Variants in TNFRSF10C observed in about 807,000 individuals in gnomAD.
TNFRSF10C encodes TNF receptor superfamily member 10c.
A neutral mutation model predicts 16.7 loss-of-function variants in TNFRSF10C; 17 were observed. The ratio of observed to expected loss-of-function variants is 1.02; its 90% CI spans 0.70 to 1.53. The LOEUF is 1.53. Among genes scored for constraint, TNFRSF10C ranks in the 40% most tolerant of loss-of-function variants. The pLI is 0.00. For missense variants in TNFRSF10C, 237 were observed against 329.7 expected (o/e 0.72, Z 2.18); for synonymous variants, 73 against 119.7 (o/e 0.61, Z 2.55).
At position 23,117,178 on chromosome 8, in the gene TNFRSF10C, G is replaced by T; in HGVS notation, c.*147G>T. 8.1e-7 allele frequency: 1 copy of T among 1,233,836 alleles called. No individual in the cohort carries two copies. The highest frequency in any genetic ancestry group is 1.1e-6 in the Non-Finnish European group (1 of 893,700). The allele number at this position is 1,233,836 out of a possible 1,614,324, so 76.4% of individuals were successfully genotyped here. A position where few individuals can be genotyped will look rare whatever the true frequency, so the allele number is the denominator to read the frequency against. ...AACGCCTGCCCCTGCCCCAAGTCCT[G>T]GTGTCTCCAGCCTGGCTCTATCTTC... is the stretch of plus-strand genomic sequence containing the variant. On this transcript the variant is annotated 3_prime_UTR_variant, in exon 5 of 5. Transcript: ENST00000356864.
intron 2 of TNFRSF10C, among the ~76,000 whole-genome samples, chr8:23,113,397 C>G (rs1177482697): frequency 6.6e-6 from 1 of 152,100 alleles, no homozygotes; most frequent in African/African-American, 2.4e-5. Context: ...AAAATTTTCC[C>G]CTATGTATTC....
chr8:23,111,332 T>A (rs1813874162), intron 1 of TNFRSF10C, among the ~76,000 whole-genome samples: 1 of 152,092 alleles, frequency 6.6e-6, no homozygotes, highest in Admixed American at 6.5e-5. Context: ...TTCTCCTGCC[T>A]CAGCCTCCTG....
At chr8:23,115,443 T>C in intron 3 of TNFRSF10C, 65 bp from the exon 4 acceptor site, 1 of 1,389,610 alleles carries the variant, frequency 7.2e-7, no homozygotes, top group Non-Finnish European at 1.0e-6. Flanking sequence ...AGGGGGTGGG[T>C]GGTAAGGAAG....
chr8:23,111,143 C>T (rs1813870404), intron 1 of TNFRSF10C, among the ~76,000 whole-genome samples: 1 of 152,078 alleles, frequency 6.6e-6, no homozygotes, highest in African/African-American at 2.4e-5. Flanking sequence ...CTTCTTGCTC[C>T]CATTATCTGG....
intron 1 of TNFRSF10C, among the ~76,000 whole-genome samples, chr8:23,106,916 A>G (rs4871848): frequency 0.17 from 25,931 of 150,360 alleles, 3,274 homozygotes; most frequent in African/African-American, 0.34. Context: ...GAACCTGGGA[A>G]GCAGAGCTTT....
chr8:23,111,773 A>C lies in TNFRSF10C; in HGVS notation c.114A>C (p.Thr38=). ...TARQEEVPQQ[T]VAPQQQRHSF... ...GGCAGGAGGAAGTTCCCCAGCAGAC[A>C]GTGGCCCCACAGCAACAGAGGCACA... The change falls in exon 2 of 5, where the codon ACA becomes ACC. Residue 38 remains threonine (T), a synonymous_variant. Transcript: ENST00000356864. 1 of 1,614,170 alleles carries C rather than the reference A, an allele frequency of 6.2e-7. No individual in the cohort carries two copies. The highest frequency in any genetic ancestry group is 1.1e-5 in the South Asian group (1 of 91,086).
intron 1 of TNFRSF10C, among the ~76,000 whole-genome samples, chr8:23,110,802 G>T (rs530184217): frequency 1.4e-4 from 21 of 152,290 alleles, no homozygotes; most frequent in African/African-American, 4.6e-4. Context: ...GTATGTTTAA[G>T]TGTGTGTCTG....
Position 23,116,691 on chromosome 8 carries a change from T to C in TNFRSF10C, c.440T>C (p.Ile147Thr), listed in dbSNP as rs760291565. ...QVSNCTSWDDIQCVEEFGANA... is the reference protein window; with the variant it reads ...QVSNCTSWDDTQCVEEFGANA... ...AGTAATTGTACGTCCTGGGATGATA[T>C]CCAGTGTGTTGAAGAATTTGGTGCC... is the stretch of plus-strand genomic sequence containing the variant. The change falls in exon 5 of 5, where the codon ATC becomes ACC. Residue 147 changes from isoleucine to threonine, a missense_variant. By Grantham distance (89) the Ile-to-Thr change is moderately conservative. Coordinates refer to ENST00000356864, the MANE Select transcript of TNFRSF10C (RefSeq NM_003841.5). 1 of 1,614,090 alleles carries C rather than the reference T, an allele frequency of 6.2e-7. No homozygotes were observed. Among genetic ancestry groups the C allele is most frequent in the East Asian group, 2.2e-5 (1 of 44,872 alleles).
intron 1 of TNFRSF10C, among the ~76,000 whole-genome samples, chr8:23,109,577 C>T (rs970158764): frequency 1.8e-4 from 27 of 151,104 alleles, no homozygotes; most frequent in African/African-American, 6.1e-4. Flanking sequence ...GTGGAGCTTG[C>T]AGTGAGCCGA....
At chr8:23,103,619 T>C (rs944692272) in intron 1 of TNFRSF10C, 4 of 197,726 alleles carry the variant, frequency 2.0e-5, no homozygotes, top group African/African-American at 9.5e-5. Flanking sequence ...GCGCTGTCTT[T>C]AGCAACTTTC....
At chr8:23,115,456 C>G in intron 3 of TNFRSF10C, 52 bp from the exon 4 acceptor site, 3 of 1,507,898 alleles carry the variant, frequency 2.0e-6, no homozygotes, top group Non-Finnish European at 2.7e-6. Flanking sequence ...TAAGGAAGAT[C>G]GAGGGATACA....
At position 23,102,948 on chromosome 8, in the gene TNFRSF10C, C is replaced by A. The variant is rs1813689850; in HGVS notation, c.-174C>A. 1 of 1,497,286 alleles carries A rather than the reference C, an allele frequency of 6.7e-7. No individual in the cohort carries two copies. 92.8% of individuals were successfully genotyped at this position (1,497,286 alleles called of 1,614,324 possible). On this transcript the variant is annotated 5_prime_UTR_variant, in exon 1 of 5. Coordinates refer to ENST00000356864, the MANE Select transcript of TNFRSF10C (RefSeq NM_003841.5). ...CAGTGCAGCTGTGGGAACCTCTCCA[C>A]GCGCACGAACTCAGCCAACGATTTC... is the stretch of plus-strand genomic sequence containing the variant.
chr8:23,108,263 C>T (rs780539223), intron 1 of TNFRSF10C, among the ~76,000 whole-genome samples: 5 of 152,006 alleles, frequency 3.3e-5, no homozygotes, highest in African/African-American at 4.8e-5. Context: ...AGTACGCAGC[C>T]GGACCGCCTG....
At chr8:23,116,290 TG>T (rs1813980934) in intron 4 of TNFRSF10C, among the ~76,000 whole-genome samples, 1 of 152,208 alleles carries the variant, frequency 6.6e-6, no homozygotes, top group Admixed American at 6.5e-5. Flanking sequence ...ACTTGTACTG[TG>T]GGTTGACTGG....
chr8:23,117,328 C>T lies in TNFRSF10C; in HGVS notation c.*297C>T, dbSNP rs1036383264. 6.1e-6 allele frequency: 3 copies of T among 495,858 alleles called. No homozygotes were observed. The Admixed American group carries it at 1.1e-4, about 18-fold the overall frequency. The allele number at this position is 495,858 out of a possible 1,614,324, so 30.7% of individuals were successfully genotyped here. A position where few individuals can be genotyped will look rare whatever the true frequency, so the allele number is the denominator to read the frequency against. On this transcript the variant is annotated 3_prime_UTR_variant, in exon 5 of 5. Transcript: ENST00000356864. Reference sequence around the variant, plus strand: ...AAGTCCAAGAGGGCAGGGCCAGTTCCTCCCATCTTCAGGCCCAGCCAGGCA... The same window carrying T: ...AAGTCCAAGAGGGCAGGGCCAGTTCTTCCCATCTTCAGGCCCAGCCAGGCA...
At chr8:23,109,766 G>GA (rs1234250724) in intron 1 of TNFRSF10C, among the ~76,000 whole-genome samples, 1 of 151,840 alleles carries the variant, frequency 6.6e-6, no homozygotes, top group Admixed American at 6.6e-5. Context: ...ACAAACCACA[G>GA]AAAGAACTGA....
intron 2 of TNFRSF10C, among the ~76,000 whole-genome samples, chr8:23,112,314 CAG>C (rs1438820862): frequency 6.6e-5 from 10 of 152,272 alleles, no homozygotes; most frequent in African/African-American, 2.2e-4. Flanking sequence ...TGAGTATATG[CAG>C]AGTTTGTTCC....
chr8:23,103,075 G>T lies in TNFRSF10C; in HGVS notation c.-47G>T, dbSNP rs1455769573. On this transcript the variant is annotated 5_prime_UTR_variant, in exon 1 of 5. The change creates a premature stop within an existing upstream ORF in the 5' untranslated region. Transcript: ENST00000356864. ...AGAGCGCCCCGGCCGCCTGATGGCC[G>T]AGGCAGGGTGCGACCCAGGACCCAG... 1 of 1,595,116 alleles carries T rather than the reference G, an allele frequency of 6.3e-7. No homozygotes were observed. The highest frequency in any genetic ancestry group is 1.3e-5 in the African/African-American group (1 of 74,822).
chr8:23,110,554 C>T (rs1813862041), intron 1 of TNFRSF10C, among the ~76,000 whole-genome samples: 1 of 152,236 alleles, frequency 6.6e-6, no homozygotes, highest in South Asian at 2.1e-4. Flanking sequence ...CACATTACCA[C>T]TATCTATCCG....
Sources: gnomAD v4.1 joint callset for allele counts (sites outside exome capture counted in the v4.1 genomes callset) on GRCh38, gnomAD v4.1.1 for gene constraint, MANE v1.5 for transcripts, NCBI Gene and HGNC (gene_info 2026-07-23, HGNC 2026-07-21) for gene names.